PPDPFL: variants seen among roughly 807,000 people sequenced by gnomAD.
The protein encoded by PPDPFL is pancreatic progenitor cell differentiation and proliferation factor-like protein.
PPDPFL carries 12 observed loss-of-function variants against 12.6 expected under a neutral mutation model. The ratio of observed to expected loss-of-function variants is 0.95; its 90% CI spans 0.61 to 1.54. The LOEUF is 1.54. Ranked by LOEUF, PPDPFL falls within the 40% of genes most tolerant of loss-of-function variation. The pLI, the probability that PPDPFL is intolerant of heterozygous loss-of-function variation, is 0.00. For synonymous variants in PPDPFL, 24 were observed against 32.7 expected, an observed-to-expected ratio of 0.73 and a Z score of 0.91; for missense variants, 114 against 96.0, an observed-to-expected ratio of 1.19 and a Z score of -0.78.
upstream of PPDPFL, among the ~76,000 whole-genome samples, chr8:49,068,243 T>C (rs1353367435): frequency 1.3e-5 from 2 of 152,140 alleles, no homozygotes; most frequent in African/African-American, 4.8e-5. Flanking sequence ...GTGAGAGAAG[T>C]AAATAACTTA....
intron 1 of PPDPFL, among the ~76,000 whole-genome samples, chr8:49,064,258 G>T (rs1264150978): frequency 6.6e-6 from 1 of 152,098 alleles, no homozygotes; most frequent in African/African-American, 2.4e-5. Flanking sequence ...GTGACCAGTG[G>T]TACAGAAAGT....
chr8:49,074,859 T>C (rs2080318465), intron 4 of PPDPFL: 1 of 1,401,030 alleles, frequency 7.1e-7, no homozygotes, highest in Non-Finnish European at 9.3e-7. Context: ...TTTTGGATTT[T>C]AGACATTTGA....
At chr8:49,059,303 T>G (rs192390857) in intron 1 of PPDPFL, among the ~76,000 whole-genome samples, 1 of 152,164 alleles carries the variant, frequency 6.6e-6, no homozygotes, top group Admixed American at 6.5e-5. Context: ...ACTTAAGGCC[T>G]TAAATTAAAG....
At chr8:49,067,332 A>G (rs1055177573) in intron 1 of PPDPFL, among the ~76,000 whole-genome samples, 1 of 152,218 alleles carries the variant, frequency 6.6e-6, no homozygotes, top group African/African-American at 2.4e-5. Context: ...TTGCAGCATT[A>G]GTTATTAGGA....
chr8:49,067,758 T>G (rs996000928), upstream of PPDPFL, among the ~76,000 whole-genome samples: 4 of 152,204 alleles, frequency 2.6e-5, no homozygotes, highest in African/African-American at 9.6e-5. Context: ...CTCAACCATT[T>G]AAGAGGCTGA....
intron 1 of PPDPFL, 148 bp from the exon 2 acceptor site, chr8:49,072,639 G>A (rs1319590763): frequency 2.1e-6 from 1 of 465,990 alleles, no homozygotes; most frequent in African/African-American, 2.0e-5. Flanking sequence ...AGTATATTTG[G>A]TTGAACTTTT....
intron 1 of PPDPFL, among the ~76,000 whole-genome samples, chr8:49,065,614 G>A (rs1808285269): frequency 6.6e-6 from 1 of 152,142 alleles, no homozygotes; most frequent in South Asian, 2.1e-4. Flanking sequence ...TGCTTTAAGG[G>A]GCTCAGGAAA....
At chr8:49,066,227 A>G (rs1270938158) in intron 1 of PPDPFL, among the ~76,000 whole-genome samples, 1 of 152,218 alleles carries the variant, frequency 6.6e-6, no homozygotes, top group Non-Finnish European at 1.5e-5. Flanking sequence ...AAGAGAGTAG[A>G]TACTGAAAGA....
chr8:49,059,718 T>C (rs1440227373), intron 1 of PPDPFL, among the ~76,000 whole-genome samples: 2 of 152,232 alleles, frequency 1.3e-5, no homozygotes, highest in Non-Finnish European at 2.9e-5. Flanking sequence ...TATTAATTGC[T>C]TGTGTCTTCC....
intron 1 of PPDPFL, among the ~76,000 whole-genome samples, chr8:49,060,940 C>G (rs571165444): frequency 6.6e-6 from 1 of 152,186 alleles, no homozygotes; most frequent in Non-Finnish European, 1.5e-5. Flanking sequence ...AGGTGATGCT[C>G]AAGGACTGTC....
Position 49,075,502 on chromosome 8 carries a change from C to T in PPDPFL, c.*329C>T. On this transcript the variant is annotated 3_prime_UTR_variant, in exon 5 of 5. Coordinates refer to ENST00000522267, the MANE Select transcript of PPDPFL (RefSeq NM_001256597.2). The stretch of plus-strand genomic sequence containing the variant: ...GAAAAGTGTGCCTTTAGAAACAAGA[C>T]ACCCTTTTAAAGTAATATGTCTTCA... The T allele has an allele frequency of 1.7e-6, 1 of 573,694 alleles. No individual in the cohort carries two copies. The highest frequency in any genetic ancestry group is 3.1e-5 in the Admixed American group (1 of 32,060). 35.5% of individuals were successfully genotyped at this position (573,694 alleles called of 1,614,324 possible).
At chr8:49,068,708 G>C (rs1176993912), upstream of PPDPFL, among the ~76,000 whole-genome samples, 1 of 152,098 alleles carries the variant, frequency 6.6e-6, no homozygotes, top group African/African-American at 2.4e-5. Flanking sequence ...AAAAGGAGAA[G>C]TAGTAAATTG....
chr8:49,064,824 G>A (rs953887321), intron 1 of PPDPFL, among the ~76,000 whole-genome samples: 3 of 152,114 alleles, frequency 2.0e-5, no homozygotes, highest in African/African-American at 7.2e-5. Flanking sequence ...GGGGAAATGG[G>A]AGTAATATAG....
chr8:49,060,532 C>T (rs1237957185), intron 1 of PPDPFL, among the ~76,000 whole-genome samples: 3 of 152,152 alleles, frequency 2.0e-5, no homozygotes, highest in East Asian at 1.9e-4. Context: ...AGGCTGGTCT[C>T]GAACTCCTGA....
upstream of PPDPFL, chr8:49,072,212 G>A (rs1412583884): frequency 1.3e-5 from 2 of 152,414 alleles, no homozygotes; most frequent in Non-Finnish European, 2.9e-5. Flanking sequence ...AGGCTGGAGG[G>A]CAGACGTGCA....
chr8:49,075,240 A>G lies in PPDPFL; in HGVS notation c.*67A>G, dbSNP rs773437007. 1.4e-5 allele frequency: 22 copies of G among 1,613,910 alleles called. No individual in the cohort carries two copies. Among genetic ancestry groups the G allele is most frequent in the Non-Finnish European group, 7.6e-6 (9 of 1,179,888 alleles). ...CGGTTGCCTGCCTTATGTAGCATGAACAGTTGATTCTGACAATCAAGATCC... is the reference window on the plus strand; with the variant it reads ...CGGTTGCCTGCCTTATGTAGCATGAGCAGTTGATTCTGACAATCAAGATCC... On this transcript the variant is annotated 3_prime_UTR_variant, in exon 5 of 5. Transcript: ENST00000522267.
Position 49,072,810 on chromosome 8 carries a change from T to A in PPDPFL, c.-21T>A. The A allele has an allele frequency of 6.3e-7, 1 of 1,589,156 alleles. No individual in the cohort carries two copies. The highest frequency in any genetic ancestry group is 8.5e-7 in the Non-Finnish European group (1 of 1,169,876). On this transcript the variant is annotated 5_prime_UTR_variant, in exon 2 of 5. Coordinates refer to ENST00000522267, the MANE Select transcript of PPDPFL (RefSeq NM_001256597.2). Reference sequence around the variant, plus strand: ...AGATTAATGCTCACAGCTTCTTGGGTGCTTTCTCACGGGTAAAGCCATGGC... The same window carrying A: ...AGATTAATGCTCACAGCTTCTTGGGAGCTTTCTCACGGGTAAAGCCATGGC...
intron 4 of PPDPFL, 95 bp downstream of exon 4, chr8:49,074,428 T>C (rs201836550): frequency 5.1e-6 from 8 of 1,562,096 alleles, no homozygotes; most frequent in Non-Finnish European, 6.9e-6. Flanking sequence ...GGGTACATAG[T>C]TGTCTCTTGA....
chr8:49,074,393 T>G, intron 4 of PPDPFL, 60 bp downstream of exon 4: 1 of 1,576,906 alleles, frequency 6.3e-7, no homozygotes, highest in East Asian at 2.2e-5. Context: ...ATAATGCATA[T>G]GGTATGTGTT....
Sources: allele counts gnomAD v4.1 joint callset (sites outside exome capture counted in the v4.1 genomes callset), GRCh38; gene constraint gnomAD v4.1.1; transcripts MANE v1.5; gene names NCBI Gene and HGNC (gene_info 2026-07-23, HGNC 2026-07-21).